AFG2A: variants seen among roughly 807,000 people sequenced by gnomAD.
The protein encoded by AFG2A is ATPase family gene 2 protein homolog A.
the AFG2A span, among the ~76,000 whole-genome samples, chr4:123,308,637 G>A: frequency 6.6e-6 from 1 of 152,152 alleles, no homozygotes; most frequent in Non-Finnish European, 1.5e-5. Context: ...TCCGCCCCCT[G>A]TCCATGGAAA....
chr4:122,939,334 G>A, the AFG2A span, among the ~76,000 whole-genome samples: 3 of 151,838 alleles, frequency 2.0e-5, no homozygotes, highest in East Asian at 1.9e-4. Context: ...CGCCCGCCTC[G>A]GCCTCCCAAA....
the AFG2A span, among the ~76,000 whole-genome samples, chr4:123,020,984 G>A: frequency 6.6e-6 from 1 of 152,042 alleles, no homozygotes; most frequent in Non-Finnish European, 1.5e-5. Context: ...TGACAGTGTT[G>A]ACTCATTGTC....
chr4:123,231,588 C>T, the AFG2A span, among the ~76,000 whole-genome samples: 98,148 of 151,386 alleles, frequency 0.65, 32,353 homozygotes, highest in Admixed American at 0.7. Context: ...TAGCACAATT[C>T]CCTTCAAGAG....
chr4:122,939,371 C>T, the AFG2A span, among the ~76,000 whole-genome samples: 213 of 152,034 alleles, frequency 1.4e-3, 3 homozygotes, highest in East Asian at 0.025. Flanking sequence ...CGTGAGCCAC[C>T]GCGCCCAGCC....
the AFG2A span, among the ~76,000 whole-genome samples, chr4:123,300,743 G>GT: frequency 5.3e-3 from 389 of 73,368 alleles, 4 homozygotes; most frequent in African/African-American, 0.014. Flanking sequence ...ATTATCCTAT[G>GT]TTTTTTTTGT....
the AFG2A span, among the ~76,000 whole-genome samples, chr4:123,004,339 C>T: frequency 6.6e-6 from 1 of 152,244 alleles, no homozygotes; most frequent in African/African-American, 2.4e-5. Context: ...CTGTCTGGCA[C>T]TCCCTAGTGA....
At chr4:123,237,745 C>T in the AFG2A span, among the ~76,000 whole-genome samples, 1 of 151,136 alleles carries the variant, frequency 6.6e-6, no homozygotes, top group Non-Finnish European at 1.5e-5. Context: ...TGGTCTGCAG[C>T]TCCCAGCATG....
chr4:122,987,839 A>G, the AFG2A span, among the ~76,000 whole-genome samples: 5 of 152,054 alleles, frequency 3.3e-5, no homozygotes, highest in African/African-American at 9.7e-5. Context: ...GCTAAAAATG[A>G]TTTATGTGCT....
At chr4:123,007,567 TATGTGTGTGTGTGTGTGTGTGTGTGTG>T in the AFG2A span, among the ~76,000 whole-genome samples, 22 of 24,044 alleles carry the variant, frequency 9.1e-4, no homozygotes, top group Non-Finnish European at 1.5e-3. Flanking sequence ...TGTGTGTGTA[TATGTGTGTGTGTGTGTGTGTGTGTGTG>T]TGTGTGTGTG....
the AFG2A span, among the ~76,000 whole-genome samples, chr4:123,201,954 A>G: frequency 1.1e-4 from 16 of 152,254 alleles, no homozygotes; most frequent in South Asian, 3.1e-3. Flanking sequence ...TATACAAAAC[A>G]ATAATAATAA....
the AFG2A span, among the ~76,000 whole-genome samples, chr4:123,299,717 GTA>G: frequency 4.6e-5 from 7 of 152,122 alleles, no homozygotes; most frequent in Admixed American, 4.6e-4. Flanking sequence ...GTGATGTAAA[GTA>G]TATGAGTACA....
the AFG2A span, among the ~76,000 whole-genome samples, chr4:123,308,267 A>G: frequency 1.3e-5 from 2 of 152,216 alleles, no homozygotes; most frequent in Admixed American, 6.5e-5. Flanking sequence ...ATAGCTTGAG[A>G]TGAACATACA....
chr4:122,944,705 A>G, the AFG2A span, among the ~76,000 whole-genome samples: 1 of 151,996 alleles, frequency 6.6e-6, no homozygotes, highest in Non-Finnish European at 1.5e-5. Context: ...GGAAGAGGAG[A>G]GGCACTCTGC....
the AFG2A span, among the ~76,000 whole-genome samples, chr4:122,977,644 G>A: frequency 8.5e-4 from 129 of 152,368 alleles, no homozygotes; most frequent in African/African-American, 2.9e-3. Flanking sequence ...ACCAGTGGGC[G>A]TGTTTCAGTC....
chr4:123,274,219 T>C, the AFG2A span, among the ~76,000 whole-genome samples: 3 of 152,102 alleles, frequency 2.0e-5, no homozygotes, highest in Non-Finnish European at 4.4e-5. Flanking sequence ...TGTAGTTCAG[T>C]GTTAAAGCTT....
At chr4:123,124,147 C>T in the AFG2A span, among the ~76,000 whole-genome samples, 1 of 151,946 alleles carries the variant, frequency 6.6e-6, no homozygotes, top group African/African-American at 2.4e-5. Flanking sequence ...GGTATATACC[C>T]AAACGATTAT....
At chr4:123,149,163 C>G in the AFG2A span, among the ~76,000 whole-genome samples, 1 of 152,146 alleles carries the variant, frequency 6.6e-6, no homozygotes, top group Non-Finnish European at 1.5e-5. Flanking sequence ...TGATAAGTTA[C>G]AGGCTTACAA....
At chr4:123,023,347 C>T in the AFG2A span, among the ~76,000 whole-genome samples, 863 of 152,062 alleles carry the variant, frequency 5.7e-3, 7 homozygotes, top group African/African-American at 0.019. Flanking sequence ...TGCATATGTA[C>T]TCCTTGAATC....
the AFG2A span, among the ~76,000 whole-genome samples, chr4:123,097,754 G>A: frequency 9.3e-4 from 142 of 152,238 alleles, 3 homozygotes; most frequent in African/African-American, 3.2e-3. Flanking sequence ...ACTGGTGAGA[G>A]GTTGTATGCA....
Sources: gnomAD v4.1 joint callset for allele counts (sites outside exome capture counted in the v4.1 genomes callset) on GRCh38, gnomAD v4.1.1 for gene constraint, MANE v1.5 for transcripts, NCBI Gene and HGNC (gene_info 2026-07-23, HGNC 2026-07-21) for gene names.